TMPRSS4: variants seen among roughly 807,000 people sequenced by gnomAD.
The protein encoded by TMPRSS4 is transmembrane protease serine 4.
Under a neutral mutation model 56.4 loss-of-function variants are expected in TMPRSS4, and 45 were observed. That is an observed-to-expected ratio of 0.80 (90% CI 0.63 to 1.02). The LOEUF (loss-of-function observed/expected upper bound fraction) is 1.02, where lower values mean the gene tolerates loss of function less well. TMPRSS4 is among the 50% of genes least tolerant of loss of function. The probability of loss-of-function intolerance (pLI) is 0.00; values close to 1 mark genes in which losing one functional copy is unlikely to be tolerated. For synonymous variants in TMPRSS4, 205 were observed against 211.0 expected, an observed-to-expected ratio of 0.97 and a Z score of 0.25; for missense variants, 546 against 556.7, an observed-to-expected ratio of 0.98 and a Z score of 0.19.
chr11:118,099,012 T>A lies in TMPRSS4; in HGVS notation c.71T>A (p.Ile24Asn), dbSNP rs1424979093. Residue 24 changes from isoleucine to asparagine, a missense_variant, in exon 3 of 13, where the codon ATC becomes AAC. Physicochemically the swap from Ile to Asn is moderately radical, Grantham distance 149. Coordinates refer to ENST00000437212, the MANE Select transcript of TMPRSS4 (RefSeq NM_019894.4). ...GTCAAACCCCTGCGCAAACCCCGTA[T>A]CCCCATGGAGACCTTCAGAAAGGTG... ...LDVKPLRKPRIPMETFRKVGI... is the reference protein window; with the variant it reads ...LDVKPLRKPRNPMETFRKVGI... The A allele has an allele frequency of 3.7e-6, 6 of 1,613,654 alleles. No homozygotes were observed. In the African/African-American group the frequency reaches 4.0e-5, roughly 11 times the overall value.
intron 1 of TMPRSS4, among the ~76,000 whole-genome samples, chr11:118,078,715 A>G (rs1944887267): frequency 6.6e-6 from 1 of 152,228 alleles, no homozygotes; most frequent in East Asian, 1.9e-4. Flanking sequence ...GGAGCAACAG[A>G]GAAGGGAATC....
intron 1 of TMPRSS4, among the ~76,000 whole-genome samples, chr11:118,078,606 C>T (rs77120644): frequency 0.027 from 4,163 of 152,176 alleles, 142 homozygotes; most frequent in East Asian, 0.11. Flanking sequence ...ACGCTGTATC[C>T]CCTGGGGCTC....
chr11:118,077,394 G>A lies in TMPRSS4; in HGVS notation c.3+89G>A, dbSNP rs563885273. 7.5e-5 allele frequency: 109 copies of A among 1,443,762 alleles called. No homozygotes were observed. In the African/African-American group the frequency reaches 1.5e-3, roughly 19 times the overall value. 89.4% of individuals were successfully genotyped at this position (1,443,762 alleles called of 1,614,324 possible). A position where few individuals can be genotyped will look rare whatever the true frequency, so the allele number is the denominator to read the frequency against. On this transcript the variant is annotated intron_variant, in intron 1 of 12. Coordinates refer to ENST00000437212, the MANE Select transcript of TMPRSS4 (RefSeq NM_019894.4). The stretch of plus-strand genomic sequence containing the variant: ...CAAGCAGCCTGAGCATCCATCAGCT[G>A]AGAATTCTGTGACACCTTCTAGGTT...
Position 118,120,036 on chromosome 11 carries a change from T to C in TMPRSS4, c.*2123T>C, listed in dbSNP as rs975271655. On this transcript the variant is annotated 3_prime_UTR_variant, in exon 13 of 13. Coordinates refer to ENST00000437212, the MANE Select transcript of TMPRSS4 (RefSeq NM_019894.4). Reference sequence around the variant, plus strand: ...TCCTCCCAATCTCTGGCAACCACCATTGTGCTTTCAGTCTCTGTGAACTGG... The same window carrying C: ...TCCTCCCAATCTCTGGCAACCACCACTGTGCTTTCAGTCTCTGTGAACTGG... 16 of 152,228 alleles carry C rather than the reference T, an allele frequency of 1.1e-4. No homozygotes were observed. The highest frequency in any genetic ancestry group is 3.6e-4 in the African/African-American group (15 of 41,458). 9.4% of individuals were successfully genotyped at this position (152,228 alleles called of 1,614,324 possible). A position where few individuals can be genotyped will look rare whatever the true frequency, so the allele number is the denominator to read the frequency against.
chr11:118,114,850 T>C lies in TMPRSS4; in HGVS notation c.932T>C (p.Leu311Pro), dbSNP rs1326294802. 1 of 1,608,448 alleles carries C rather than the reference T, an allele frequency of 6.2e-7. No individual in the cohort carries two copies. Among genetic ancestry groups the C allele is most frequent in the Non-Finnish European group, 8.5e-7 (1 of 1,177,630 alleles). The change falls in exon 10 of 13, where the codon CTG (leucine) becomes CCG (proline). Residue 311 changes from leucine (L) to proline (P), a missense_variant. Transcript: ENST00000437212. The part of the protein sequence containing the change: ...TFSGTVRPIC[L>P]PFFDEELTPA... The stretch of plus-strand genomic sequence containing the variant: ...GCAGGCACAGTCAGGCCCATCTGTC[T>C]GCCCTTCTTTGATGAGGAGCTCACT...
intron 1 of TMPRSS4, among the ~76,000 whole-genome samples, chr11:118,084,950 G>C (rs1392745174): frequency 6.6e-6 from 1 of 152,156 alleles, no homozygotes. Flanking sequence ...GATCAAGGCA[G>C]CTGAGACCCC....
chr11:118,112,878 A>AAAAACATCTCTG (rs1339037164), intron 8 of TMPRSS4, among the ~76,000 whole-genome samples: 1 of 141,970 alleles, frequency 7.0e-6, no homozygotes, highest in African/African-American at 2.6e-5. Context: ...TCTTTCCTGG[A>AAAAACATCTCTG]AAAACATCTC....
At chr11:118,089,552 C>T (rs1010747533) in intron 1 of TMPRSS4, among the ~76,000 whole-genome samples, 4 of 152,150 alleles carry the variant, frequency 2.6e-5, no homozygotes, top group Non-Finnish European at 5.9e-5. Context: ...AACCCATCAT[C>T]CCCAACAAAA....
At position 118,115,264 on chromosome 11, in the gene TMPRSS4, G is replaced by T; in HGVS notation, c.1136G>T (p.Gly379Val). The part of the protein sequence containing the change: ...KMMCAGIPEG[G>V]VDTCQGDSGG... The stretch of plus-strand genomic sequence containing the variant: ...ATGTGTGCAGGCATCCCGGAAGGGG[G>T]TGTGGACACCTGCCAGGTGGGGCCT... The change falls in exon 11 of 13, where the codon GGT (glycine) becomes GTT (valine). Residue 379 changes from glycine (G) to valine (V), a missense_variant. By Grantham distance (109) the Gly-to-Val change is moderately radical (BLOSUM62 -3). Transcript: ENST00000437212. 4 of 1,612,760 alleles carry T rather than the reference G, an allele frequency of 2.5e-6. No homozygotes were observed. Among genetic ancestry groups the T allele is most frequent in the Non-Finnish European group, 1.7e-6 (2 of 1,179,868 alleles).
chr11:118,086,051 T>A (rs1945531002), intron 1 of TMPRSS4, among the ~76,000 whole-genome samples: 1 of 152,204 alleles, frequency 6.6e-6, no homozygotes, highest in Non-Finnish European at 1.5e-5. Flanking sequence ...ACCAGGTCTG[T>A]CTTCAGTTTA....
chr11:118,082,798 G>A (rs1177983551), intron 1 of TMPRSS4, among the ~76,000 whole-genome samples: 1 of 152,146 alleles, frequency 6.6e-6, no homozygotes, highest in African/African-American at 2.4e-5. Flanking sequence ...ATCAGGCCTA[G>A]GACTAATCCT....
Position 118,118,930 on chromosome 11 carries a change from G to T in TMPRSS4, c.*1017G>T. On this transcript the variant is annotated 3_prime_UTR_variant, in exon 13 of 13. Transcript: ENST00000437212. Reference sequence around the variant, plus strand: ...GGCAGTCCCCAAGCTGAGTTGTGAGGATGTAAGCATGAATAAGTCCCTGCA... The same window carrying T: ...GGCAGTCCCCAAGCTGAGTTGTGAGTATGTAAGCATGAATAAGTCCCTGCA... 1.0e-6 allele frequency: 1 copy of T among 985,406 alleles called. No homozygotes were observed. Among genetic ancestry groups the T allele is most frequent in the African/African-American group, 1.7e-5 (1 of 57,330 alleles). The allele number at this position is 985,406 out of a possible 1,614,324, so 61.0% of individuals were successfully genotyped here. A position where few individuals can be genotyped will look rare whatever the true frequency, so the allele number is the denominator to read the frequency against.
rs12270001 is a variant in TMPRSS4, at chr11:118,111,749, A to G, written c.592A>G (p.Lys198Glu). ...CCTCTGCCTGTGTCCAGCCTGTGGGAAGAGCCTGAAGACCCCCCGTGTGGT... is the reference window on the plus strand; with the variant it reads ...CCTCTGCCTGTGTCCAGCCTGTGGGGAGAGCCTGAAGACCCCCCGTGTGGT... ...LVSLHCLACG[K>E]SLKTPRVVGV... The change falls in exon 8 of 13, where the codon AAG (lysine) becomes GAG (glutamate). Residue 198 changes from lysine to glutamate, a missense_variant. Lys to Glu is a moderately conservative substitution (Grantham distance 56). Transcript: ENST00000437212. 35,920 of 1,574,806 alleles carry G rather than the reference A, an allele frequency of 0.023. 2,428 individuals are homozygous for G. Among genetic ancestry groups the G allele is most frequent in the African/African-American group, 0.22 (16,232 of 72,386 alleles).
intron 9 of TMPRSS4, among the ~76,000 whole-genome samples, chr11:118,114,357 C>T (rs1157745024): frequency 1.3e-5 from 2 of 152,044 alleles, no homozygotes; most frequent in African/African-American, 4.8e-5. Context: ...AGGGACATAC[C>T]CCACCCCCCA....
chr11:118,122,285 A>G (rs892859151), downstream of TMPRSS4, among the ~76,000 whole-genome samples: 4 of 152,244 alleles, frequency 2.6e-5, no homozygotes, highest in African/African-American at 9.6e-5. Context: ...TGTAACAGAC[A>G]TACACAAAAC....
intron 2 of TMPRSS4, among the ~76,000 whole-genome samples, chr11:118,098,048 G>A (rs1420757014): frequency 6.6e-6 from 1 of 152,204 alleles, no homozygotes; most frequent in Non-Finnish European, 1.5e-5. Context: ...GGGATTACAG[G>A]CGTGAGCCAC....
Position 118,090,945 on chromosome 11 carries a change from G to A in TMPRSS4, c.4-3871G>A, listed in dbSNP as rs115031406. On this transcript the variant is annotated intron_variant, in intron 1 of 12. Coordinates refer to ENST00000437212, the MANE Select transcript of TMPRSS4 (RefSeq NM_019894.4). Reference sequence around the variant, plus strand: ...GTGCCTCAGCTTCTAGCACTATTCCGGGTCCATCAAAGTTGTATAGTCAAT... The same window carrying A: ...GTGCCTCAGCTTCTAGCACTATTCCAGGTCCATCAAAGTTGTATAGTCAAT... Among the ~76,000 whole-genome samples the A allele has an allele frequency of 7.5e-3, 1,135 of 152,132 alleles. 16 individuals carry two copies. The highest frequency in any genetic ancestry group is 0.025 in the African/African-American group (1,023 of 41,476).
chr11:118,123,811 A>T (rs563931016), downstream of TMPRSS4, among the ~76,000 whole-genome samples: 4 of 152,230 alleles, frequency 2.6e-5, no homozygotes, highest in African/African-American at 9.6e-5. Context: ...GGGGTGAGCC[A>T]CCGTGCCCGG....
intron 5 of TMPRSS4, among the ~76,000 whole-genome samples, chr11:118,105,224 G>A (rs865882128): frequency 2.2e-4 from 34 of 152,162 alleles, no homozygotes; most frequent in African/African-American, 7.7e-4. Flanking sequence ...TCAAAGTTTC[G>A]TTAGTTAAGA....
Sources: gnomAD v4.1 joint callset for allele counts (sites outside exome capture counted in the v4.1 genomes callset) on GRCh38, gnomAD v4.1.1 for gene constraint, MANE v1.5 for transcripts, NCBI Gene and HGNC (gene_info 2026-07-23, HGNC 2026-07-21) for gene names.